The following SLC24A2 variants were observed in gnomAD, a reference collection of about 807,000 sequenced individuals.
SLC24A2 encodes the protein solute carrier family 24 member 2, also known as sodium/potassium/calcium exchanger 2.
A neutral mutation model predicts 62.0 loss-of-function variants in SLC24A2; 36 were observed. The ratio of observed to expected loss-of-function variants is 0.58; its 90% CI spans 0.44 to 0.77. SLC24A2 has a LOEUF of 0.77. Ranked by LOEUF, SLC24A2 falls within the 30% of genes least tolerant of loss-of-function variation. The pLI is 0.00. For missense variants in SLC24A2, 846 were observed against 817.9 expected, an observed-to-expected ratio of 1.03 and a Z score of -0.42; for synonymous variants, 358 against 294.0, an observed-to-expected ratio of 1.22 and a Z score of -2.23.
intron 2 of SLC24A2, among the ~76,000 whole-genome samples, chr9:19,690,141 ATC>A (rs35555424): frequency 1.3e-5 from 2 of 151,428 alleles, no homozygotes; most frequent in African/African-American, 4.9e-5. Context: ...CTTATAGTAA[ATC>A]TCTCTCTCTC....
chr9:19,526,090 A>C (rs1833435894), intron 9 of SLC24A2, among the ~76,000 whole-genome samples: 1 of 152,188 alleles, frequency 6.6e-6, no homozygotes, highest in African/African-American at 2.4e-5. Flanking sequence ...TACTTCATAT[A>C]AATGAAATCA....
At chr9:19,568,402 A>G (rs1022816530) in intron 7 of SLC24A2, among the ~76,000 whole-genome samples, 18 of 152,234 alleles carry the variant, frequency 1.2e-4, no homozygotes, top group African/African-American at 4.3e-4. Context: ...TTCATACTGC[A>G]GCTCATACAT....
At chr9:19,603,347 C>A (rs1056423055) in intron 4 of SLC24A2, among the ~76,000 whole-genome samples, 1 of 152,138 alleles carries the variant, frequency 6.6e-6, no homozygotes, top group African/African-American at 2.4e-5. Flanking sequence ...ACATTTATTA[C>A]CCACTCTTAG....
At chr9:19,763,741 G>A (rs2118863854) in intron 2 of SLC24A2, among the ~76,000 whole-genome samples, 1 of 152,240 alleles carries the variant, frequency 6.6e-6, no homozygotes, top group South Asian at 2.1e-4. Context: ...TTTTCATATT[G>A]ATGTTCATCA....
At chr9:20,199,940 A>G in the SLC24A2 span, among the ~76,000 whole-genome samples, 1 of 146,574 alleles carries the variant, frequency 6.8e-6, no homozygotes, top group African/African-American at 2.6e-5. Flanking sequence ...GATGTTGGCC[A>G]GGCTGGTCTT....
chr9:19,646,322 C>A (rs1480893880), intron 2 of SLC24A2, among the ~76,000 whole-genome samples: 1 of 152,158 alleles, frequency 6.6e-6, no homozygotes, highest in Non-Finnish European at 1.5e-5. Context: ...TGCTTTTACC[C>A]AACAGATCAT....
At chr9:20,180,642 T>TA in the SLC24A2 span, among the ~76,000 whole-genome samples, 5 of 152,168 alleles carry the variant, frequency 3.3e-5, no homozygotes, top group African/African-American at 1.2e-4. Flanking sequence ...AGTTTCCCGA[T>TA]ACATTAATAA....
the SLC24A2 span, among the ~76,000 whole-genome samples, chr9:20,143,468 A>G: frequency 6.6e-6 from 1 of 152,218 alleles, no homozygotes; most frequent in African/African-American, 2.4e-5. Context: ...ACCTGGTATC[A>G]TGAAAATTCG....
chr9:20,235,692 G>T, the SLC24A2 span, among the ~76,000 whole-genome samples: 1 of 152,152 alleles, frequency 6.6e-6, no homozygotes, highest in African/African-American at 2.4e-5. Context: ...GTGAGGCAAT[G>T]CCTTGCCCTG....
At chr9:19,586,303 C>T (rs559370937) in intron 5 of SLC24A2, among the ~76,000 whole-genome samples, 40 of 152,164 alleles carry the variant, frequency 2.6e-4, no homozygotes, top group Non-Finnish European at 4.0e-4. Context: ...GCCCTCAATG[C>T]TCACTGCCTA....
At chr9:19,636,299 C>CTTTTCTTTTCTTTT in intron 2 of SLC24A2, among the ~76,000 whole-genome samples, 1 of 41,958 alleles carries the variant, frequency 2.4e-5, no homozygotes, top group African/African-American at 9.5e-5. Flanking sequence ...CTTTTCTTTT[C>CTTTTCTTTTCTTTT]TTTTCTTTTC....
chr9:19,561,833 G>GA (rs1055485221), intron 7 of SLC24A2, among the ~76,000 whole-genome samples: 1 of 152,164 alleles, frequency 6.6e-6, no homozygotes, highest in East Asian at 1.9e-4. Flanking sequence ...TATATAGATG[G>GA]AAAAAATCAA....
At chr9:20,091,682 G>A in the SLC24A2 span, among the ~76,000 whole-genome samples, 1 of 152,080 alleles carries the variant, frequency 6.6e-6, no homozygotes, top group Non-Finnish European at 1.5e-5. Context: ...TTACCACCCG[G>A]CCTGCCTTAT....
chr9:20,232,669 A>G, the SLC24A2 span, among the ~76,000 whole-genome samples: 2 of 151,968 alleles, frequency 1.3e-5, no homozygotes, highest in East Asian at 1.9e-4. Flanking sequence ...AATTTTGTTG[A>G]TCCTTTCAAA....
At chr9:19,949,222 G>A in the SLC24A2 span, among the ~76,000 whole-genome samples, 4 of 151,916 alleles carry the variant, frequency 2.6e-5, no homozygotes, top group African/African-American at 9.7e-5. Flanking sequence ...TTGAACTCCC[G>A]ATCTCAGGTG....
the SLC24A2 span, among the ~76,000 whole-genome samples, chr9:20,160,194 C>G: frequency 4.6e-5 from 7 of 151,298 alleles, no homozygotes; most frequent in African/African-American, 1.7e-4. Context: ...TTAAAGGAAG[C>G]AGAAAATACT....
the SLC24A2 span, among the ~76,000 whole-genome samples, chr9:20,235,361 T>C: frequency 1.3e-5 from 2 of 152,210 alleles, no homozygotes; most frequent in East Asian, 1.9e-4. Flanking sequence ...CCTTGAGCTG[T>C]GGTGGGCTCC....
chr9:20,207,235 A>G, the SLC24A2 span, among the ~76,000 whole-genome samples: 1 of 152,246 alleles, frequency 6.6e-6, no homozygotes, highest in South Asian at 2.1e-4. Flanking sequence ...TCCAGCAATT[A>G]CAATGACCAG....
chr9:20,208,874 G>C, the SLC24A2 span, among the ~76,000 whole-genome samples: 1 of 152,216 alleles, frequency 6.6e-6, no homozygotes, highest in Non-Finnish European at 1.5e-5. Context: ...GATTTCTTCA[G>C]CTGGTTTGTT....
Sources: gnomAD v4.1 joint callset for allele counts (sites outside exome capture counted in the v4.1 genomes callset) on GRCh38, gnomAD v4.1.1 for gene constraint, MANE v1.5 for transcripts, NCBI Gene and HGNC (gene_info 2026-07-23, HGNC 2026-07-21) for gene names.